Variants in LRMDA observed in about 807,000 individuals in gnomAD.
LRMDA encodes leucine rich melanocyte differentiation associated, also known as leucine-rich melanocyte differentiation-associated protein.
In LRMDA, 18 loss-of-function variants were observed where a neutral mutation model predicts 29.8. That is an observed-to-expected ratio of 0.60 (90% CI 0.42 to 0.90). The LOEUF (loss-of-function observed/expected upper bound fraction) is 0.90, where lower values mean the gene tolerates loss of function less well. LRMDA is among the 40% of genes least tolerant of loss of function. The pLI, the probability that LRMDA is intolerant of heterozygous loss-of-function variation, is 0.00. For missense variants in LRMDA, 273 were observed against 273.9 expected (o/e 1.00, Z 0.02); for synonymous variants, 125 against 109.4 (o/e 1.14, Z -0.89).
At chr10:75,938,974 T>C (rs1846342909) in intron 2 of LRMDA, among the ~76,000 whole-genome samples, 1 of 152,126 alleles carries the variant, frequency 6.6e-6, no homozygotes, top group African/African-American at 2.4e-5. Flanking sequence ...TGCAGAGCAC[T>C]GGCCTGTTTC....
chr10:76,537,817 A>G (rs1330131921), intron 6 of LRMDA, among the ~76,000 whole-genome samples: 2 of 152,060 alleles, frequency 1.3e-5, no homozygotes, highest in East Asian at 1.9e-4. Context: ...CTGCCTACCT[A>G]CCTCATCTTC....
intron 5 of LRMDA, among the ~76,000 whole-genome samples, chr10:76,249,876 C>T (rs1243644960): frequency 1.3e-5 from 2 of 152,198 alleles, no homozygotes; most frequent in Admixed American, 6.5e-5. Flanking sequence ...GATCTTAGCT[C>T]ACTGCAACTT....
intron 2 of LRMDA, among the ~76,000 whole-genome samples, chr10:75,498,612 C>T (rs534801961): frequency 4.1e-4 from 62 of 152,086 alleles, no homozygotes; most frequent in South Asian, 2.1e-4. Flanking sequence ...CAGAGAGGAG[C>T]GGCTAGTATG....
At chr10:75,504,754 A>T (rs1175481783) in intron 2 of LRMDA, among the ~76,000 whole-genome samples, 1 of 152,146 alleles carries the variant, frequency 6.6e-6, no homozygotes, top group Admixed American at 6.5e-5. Context: ...GGAGTGTGGC[A>T]TAAGAGGGGT....
chr10:76,464,113 T>C (rs1407873231), intron 6 of LRMDA, among the ~76,000 whole-genome samples: 1 of 151,848 alleles, frequency 6.6e-6, no homozygotes, highest in African/African-American at 2.4e-5. Context: ...GAGACAGGGT[T>C]TCTCCATGTT....
intron 6 of LRMDA, among the ~76,000 whole-genome samples, chr10:76,396,953 C>T (rs989684834): frequency 8.5e-5 from 13 of 152,272 alleles, no homozygotes; most frequent in African/African-American, 3.1e-4. Flanking sequence ...TGCCACGCCA[C>T]GCAACTCTAC....
rs185215506 is a variant in LRMDA at position 76,540,026 on chromosome 10, A to G, written c.602-17183A>G. 3.8e-3 allele frequency among the ~76,000 whole-genome samples: 583 copies of G among 152,230 alleles called. 4 individuals are homozygous for G. Among genetic ancestry groups the G allele is most frequent in the Middle Eastern group, 0.027 (8 of 294 alleles). ...CACACATTCCTTGTATACACATAAC[A>G]CACATACAAGATACACACACGAAGT... is the stretch of plus-strand genomic sequence containing the variant. On this transcript the variant is annotated intron_variant, in intron 6 of 6. Transcript: ENST00000611255.
At chr10:76,396,246 A>G (rs1841782417) in intron 6 of LRMDA, among the ~76,000 whole-genome samples, 1 of 152,208 alleles carries the variant, frequency 6.6e-6, no homozygotes, top group African/African-American at 2.4e-5. Context: ...AAAAGACATC[A>G]TTATTCTTTG....
chr10:76,286,677 C>G (rs4388825), intron 5 of LRMDA, among the ~76,000 whole-genome samples: 2 of 152,138 alleles, frequency 1.3e-5, no homozygotes, highest in African/African-American at 2.4e-5. Flanking sequence ...CTTTAGGTGT[C>G]TAAGATATTT....
intron 2 of LRMDA, among the ~76,000 whole-genome samples, chr10:75,865,404 G>A (rs548164807): frequency 3.3e-5 from 5 of 152,242 alleles, no homozygotes; most frequent in African/African-American, 1.2e-4. Context: ...CATTATGCAA[G>A]TATATCTCAA....
chr10:75,915,542 G>A (rs757209093), intron 2 of LRMDA, among the ~76,000 whole-genome samples: 8 of 152,268 alleles, frequency 5.3e-5, no homozygotes, highest in African/African-American at 1.4e-4. Flanking sequence ...GTCTGGCCTC[G>A]TGTCTAACCT....
In LRMDA at chr10:76,435,272, A is replaced by G. The variant is rs141011855; in HGVS notation, c.601+110787A>G. ...ACTTCTCCAGGCCACACAGGAAGGC[A>G]TTGGCAGAACTATAACTTGGCCTTG... On this transcript the variant is annotated intron_variant, in intron 6 of 6. Coordinates refer to ENST00000611255, the MANE Select transcript of LRMDA (RefSeq NM_001305581.2). Among the ~76,000 whole-genome samples, 1,126 of 152,314 alleles carry G rather than the reference A, an allele frequency of 7.4e-3. 10 individuals carry two copies. The highest frequency in any genetic ancestry group is 0.024 in the Middle Eastern group (7 of 294).
Position 76,394,880 on chromosome 10 carries a change from G to T in LRMDA, c.601+70395G>T, listed in dbSNP as rs140524189. On this transcript the variant is annotated intron_variant, in intron 6 of 6. Coordinates refer to ENST00000611255, the MANE Select transcript of LRMDA (RefSeq NM_001305581.2). ...ATCTTCCAAAGGGGTTTTTCCCATTGTTATTTCCTGAAACATGCTTGCCAT... is the reference window on the plus strand; with the variant it reads ...ATCTTCCAAAGGGGTTTTTCCCATTTTTATTTCCTGAAACATGCTTGCCAT... Among the ~76,000 whole-genome samples, 17 of 152,226 alleles carry T rather than the reference G, an allele frequency of 1.1e-4. No homozygotes were observed. The East Asian group carries it at 3.1e-3, about 28-fold the overall frequency.
At chr10:75,679,763 G>A (rs764630124) in intron 2 of LRMDA, among the ~76,000 whole-genome samples, 1 of 152,078 alleles carries the variant, frequency 6.6e-6, no homozygotes, top group Non-Finnish European at 1.5e-5. Context: ...AATTTAAAGT[G>A]TATCATTTTT....
At chr10:75,935,646 C>A (rs945112815) in intron 2 of LRMDA, among the ~76,000 whole-genome samples, 2 of 152,126 alleles carry the variant, frequency 1.3e-5, no homozygotes, top group Non-Finnish European at 2.9e-5. Context: ...GTTTTGACAA[C>A]CTTAATGGAA....
At chr10:76,097,551 A>C (rs1335064950) in intron 5 of LRMDA, among the ~76,000 whole-genome samples, 2 of 152,206 alleles carry the variant, frequency 1.3e-5, no homozygotes, top group African/African-American at 4.8e-5. Flanking sequence ...AGTTAGCTAT[A>C]GATTTTTTGC....
intron 2 of LRMDA, among the ~76,000 whole-genome samples, chr10:75,827,109 CCT>C (rs1844259324): frequency 6.6e-6 from 1 of 152,138 alleles, no homozygotes; most frequent in South Asian, 2.1e-4. Context: ...ATGGAAAATA[CCT>C]CTCTGGGCCC....
chr10:76,107,345 T>C (rs1272616009), intron 5 of LRMDA, among the ~76,000 whole-genome samples: 1 of 152,210 alleles, frequency 6.6e-6, no homozygotes, highest in Non-Finnish European at 1.5e-5. Flanking sequence ...TCCCAGGTGA[T>C]GCTGAGGCTG....
chr10:75,625,933 C>T (rs1841244365), intron 2 of LRMDA, among the ~76,000 whole-genome samples: 1 of 151,928 alleles, frequency 6.6e-6, no homozygotes, highest in South Asian at 2.1e-4. Flanking sequence ...CTCACTGCAG[C>T]CTTGACCTCC....
Sources: gnomAD v4.1 joint callset for allele counts (sites outside exome capture counted in the v4.1 genomes callset) on GRCh38, gnomAD v4.1.1 for gene constraint, MANE v1.5 for transcripts, NCBI Gene and HGNC (gene_info 2026-07-23, HGNC 2026-07-21) for gene names.